MCF2L2: variants seen among roughly 807,000 people sequenced by gnomAD.
MCF2L2 encodes the protein MCF.2 cell line derived transforming sequence-like 2.
Under a neutral mutation model 150.2 loss-of-function variants are expected in MCF2L2, and 102 were observed. That is an observed-to-expected ratio of 0.68 (90% CI 0.58 to 0.80). The LOEUF (loss-of-function observed/expected upper bound fraction) is 0.80, where lower values mean the gene tolerates loss of function less well. Ranked by LOEUF, MCF2L2 falls within the 30% of genes least tolerant of loss-of-function variation. The pLI is 0.00. For missense variants in MCF2L2, 1,256 were observed against 1,372.8 expected, an observed-to-expected ratio of 0.91 and a Z score of 1.34; for synonymous variants, 465 against 491.3, an observed-to-expected ratio of 0.95 and a Z score of 0.71.
chr3:183,222,350 G>C (rs1225549793), intron 20 of MCF2L2, among the ~76,000 whole-genome samples: 1 of 152,148 alleles, frequency 6.6e-6, no homozygotes, highest in African/African-American at 2.4e-5. Flanking sequence ...AGGAGTTCAA[G>C]ACCAGCCTGG....
At chr3:183,317,924 G>T in intron 7 of MCF2L2, 144 bp downstream of exon 7, 3 of 1,024,248 alleles carry the variant, frequency 2.9e-6, no homozygotes, top group Non-Finnish European at 4.2e-6. Flanking sequence ...TGTCTGGAAG[G>T]TTTAAGATGA....
Position 183,389,782 on chromosome 3 carries a change from G to A in MCF2L2, c.77-3C>T, listed in dbSNP as rs41321544. On this transcript the variant is annotated splice_region_variant and splice_polypyrimidine_tract_variant and intron_variant, in intron 1 of 29. Coordinates refer to ENST00000328913, the MANE Select transcript of MCF2L2 (RefSeq NM_015078.4). ...GACTTCCTGCTGCATAATTTCATCT[G>A]CACAAATGAAATACAAAGTGGGTTA... 19,622 of 1,611,322 alleles carry A rather than the reference G, an allele frequency of 0.012. 309 individuals are homozygous for A. The highest frequency in any genetic ancestry group is 0.066 in the East Asian group (2,973 of 44,844).
Position 183,228,305 on chromosome 3 carries a change from G to T in MCF2L2, c.2107C>A (p.Leu703Ile). The change falls in exon 18 of 30, where the codon CTC becomes ATC. Residue 703 changes from leucine to isoleucine, a missense_variant. Transcript: ENST00000328913. Reference sequence around the variant, plus strand: ...TGGGAGTACAGACTTACTCTCTTGAGAAAGCAATGTGCCAGAAGTTCAGGG... The same window carrying T: ...TGGGAGTACAGACTTACTCTCTTGATAAAGCAATGTGCCAGAAGTTCAGGG... ...ENPELLAHCF[L>I]KRKEDLQIYF... 1 of 1,612,874 alleles carries T rather than the reference G, an allele frequency of 6.2e-7. No homozygotes were observed. Among genetic ancestry groups the T allele is most frequent in the Non-Finnish European group, 8.5e-7 (1 of 1,179,032 alleles).
At chr3:183,183,697 G>A (rs941289117) in intron 27 of MCF2L2, among the ~76,000 whole-genome samples, 2 of 152,098 alleles carry the variant, frequency 1.3e-5, no homozygotes, top group Non-Finnish European at 2.9e-5. Context: ...AAAATGCCTG[G>A]TACATCATAG....
intron 1 of MCF2L2, among the ~76,000 whole-genome samples, chr3:183,399,060 C>T (rs1714610335): frequency 6.6e-6 from 1 of 152,152 alleles, no homozygotes; most frequent in Non-Finnish European, 1.5e-5. Flanking sequence ...TATATATACA[C>T]TTCAATTCAA....
At position 183,180,351 on chromosome 3, in the gene MCF2L2, A is replaced by G. The variant is rs193072404; in HGVS notation, c.3017-192T>C. On this transcript the variant is annotated intron_variant, in intron 27 of 29. Coordinates refer to ENST00000328913, the MANE Select transcript of MCF2L2 (RefSeq NM_015078.4). The stretch of plus-strand genomic sequence containing the variant: ...TCTCCAGGCTGCTTTTCCAGCGCCG[A>G]GATGCCGTAATTCACCGAGAAGGCG... 7.4e-3 allele frequency: 3,872 copies of G among 522,874 alleles called. 129 individuals carry two copies. Among genetic ancestry groups the G allele is most frequent in the African/African-American group, 0.069 (3,575 of 52,184 alleles). The allele number at this position is 522,874 out of a possible 1,614,324, so 32.4% of individuals were successfully genotyped here. A position where few individuals can be genotyped will look rare whatever the true frequency, so the allele number is the denominator to read the frequency against.
At chr3:183,359,075 T>C (rs1711969246) in intron 3 of MCF2L2, among the ~76,000 whole-genome samples, 1 of 151,882 alleles carries the variant, frequency 6.6e-6, no homozygotes, top group South Asian at 2.1e-4. Context: ...ATTGACAAGT[T>C]TGCCAAGGTC....
chr3:183,424,212 A>G (rs1368939042), intron 1 of MCF2L2, among the ~76,000 whole-genome samples: 1 of 152,330 alleles, frequency 6.6e-6, no homozygotes, highest in Admixed American at 6.5e-5. Context: ...ATGGTCCTAC[A>G]TGTGTCCTGC....
chr3:183,291,109 G>C (rs1170226765), intron 13 of MCF2L2, among the ~76,000 whole-genome samples: 12 of 152,028 alleles, frequency 7.9e-5, no homozygotes, highest in Non-Finnish European at 1.3e-4. Flanking sequence ...ACAATCCTTT[G>C]GGCTCCTCCC....
intron 25 of MCF2L2, among the ~76,000 whole-genome samples, chr3:183,198,562 C>CT (rs1242717371): frequency 6.6e-6 from 1 of 152,120 alleles, no homozygotes; most frequent in Admixed American, 6.6e-5. Context: ...AGATTGTACA[C>CT]TTTAAATATG....
chr3:183,222,421 G>A (rs188122968), intron 20 of MCF2L2, among the ~76,000 whole-genome samples: 2,021 of 152,172 alleles, frequency 0.013, 14 homozygotes, highest in Non-Finnish European at 0.02. Context: ...ATGGCGGCGC[G>A]TGCCTGTAAT....
intron 5 of MCF2L2, among the ~76,000 whole-genome samples, chr3:183,336,755 G>A (rs1730497466): frequency 6.6e-6 from 1 of 151,816 alleles, no homozygotes; most frequent in Non-Finnish European, 1.5e-5. Context: ...CCAGGAGGCT[G>A]AGGCAGGAGA....
chr3:183,385,353 G>A (rs144648658), intron 2 of MCF2L2, among the ~76,000 whole-genome samples: 277 of 152,298 alleles, frequency 1.8e-3, no homozygotes, highest in African/African-American at 6.4e-3. Flanking sequence ...TAAGCTAGGA[G>A]TTGGGGCTCC....
At chr3:183,183,675 T>G (rs959375300) in intron 27 of MCF2L2, among the ~76,000 whole-genome samples, 1 of 152,234 alleles carries the variant, frequency 6.6e-6, no homozygotes, top group Non-Finnish European at 1.5e-5. Context: ...TTAGCAAATC[T>G]TCTGATAAAG....
chr3:183,224,704 CA>C (rs1723281568), intron 18 of MCF2L2: 1 of 152,632 alleles, frequency 6.6e-6, no homozygotes, highest in African/African-American at 2.4e-5. Flanking sequence ...GTAGATCGGG[CA>C]ACCAATACGG....
chr3:183,272,976 G>T, intron 15 of MCF2L2: 1 of 1,454,734 alleles, frequency 6.9e-7, no homozygotes, highest in South Asian at 1.5e-5. Flanking sequence ...TAAATTTCAA[G>T]GAAATATGAA....
chr3:183,421,536 C>A (rs1715882353), intron 1 of MCF2L2, among the ~76,000 whole-genome samples: 1 of 152,216 alleles, frequency 6.6e-6, no homozygotes, highest in South Asian at 2.1e-4. Flanking sequence ...CTCAAGCAAT[C>A]CTCCTGCCTG....
chr3:183,189,100 T>G (rs934059578), intron 27 of MCF2L2, among the ~76,000 whole-genome samples: 4 of 152,126 alleles, frequency 2.6e-5, no homozygotes, highest in African/African-American at 9.7e-5. Context: ...TGCTGGCATG[T>G]CGGACATTTA....
Position 183,181,397 on chromosome 3 carries a change from C to T in MCF2L2, c.3017-1238G>A, listed in dbSNP as rs1721516025. On this transcript the variant is annotated intron_variant, in intron 27 of 29. Transcript: ENST00000328913. The surrounding 1 kb of genome is among the most constrained non-coding windows in gnomAD (Gnocchi z 4.3). ...CTGACTCTGGCAGGCTCCGAGGGGG[C>T]TGGACACCCTCCTCTCAGGTTGAAG... Among the ~76,000 whole-genome samples the T allele has an allele frequency of 5.3e-5, 8 of 152,024 alleles. No individual in the cohort carries two copies. In the South Asian group the frequency reaches 1.7e-3, roughly 31 times the overall value.
Sources: allele counts gnomAD v4.1 joint callset (sites outside exome capture counted in the v4.1 genomes callset), GRCh38; gene constraint gnomAD v4.1.1; non-coding constraint Gnocchi (gnomAD v3.1); transcripts MANE v1.5; gene names NCBI Gene and HGNC (gene_info 2026-07-23, HGNC 2026-07-21).